The following PEBP4 variants were observed in gnomAD, a reference collection of about 807,000 sequenced individuals.
The protein encoded by PEBP4 is phosphatidylethanolamine-binding protein 4.
A neutral mutation model predicts 23.9 loss-of-function variants in PEBP4; 22 were observed. That is an observed-to-expected ratio of 0.92 (90% CI 0.66 to 1.31). PEBP4 has a LOEUF of 1.31. Among genes scored for constraint, PEBP4 ranks in the 40% most tolerant of loss-of-function variants. The probability of loss-of-function intolerance (pLI) is 0.00; values close to 1 mark genes in which losing one functional copy is unlikely to be tolerated. For missense variants in PEBP4, 324 were observed against 281.7 expected, an observed-to-expected ratio of 1.15 and a Z score of -1.07; for synonymous variants, 112 against 99.3, an observed-to-expected ratio of 1.13 and a Z score of -0.76.
chr8:22,912,129 C>A (rs1808950833), intron 3 of PEBP4, among the ~76,000 whole-genome samples: 1 of 152,138 alleles, frequency 6.6e-6, no homozygotes, highest in African/African-American at 2.4e-5. Context: ...GGATAAGGAG[C>A]CCTGGGAGTG....
intron 4 of PEBP4, among the ~76,000 whole-genome samples, chr8:22,809,583 C>T (rs1031061130): frequency 2.6e-5 from 4 of 152,172 alleles, no homozygotes; most frequent in African/African-American, 7.2e-5. Flanking sequence ...GCTGTGACAT[C>T]TTGGGCAAGT....
chr8:22,894,382 G>T (rs926860222), intron 3 of PEBP4, among the ~76,000 whole-genome samples: 1 of 151,976 alleles, frequency 6.6e-6, no homozygotes, highest in Non-Finnish European at 1.5e-5. Flanking sequence ...GACCAGCCCA[G>T]GCAACATGGT....
At chr8:22,848,079 G>A (rs530328514) in intron 3 of PEBP4, among the ~76,000 whole-genome samples, 2 of 152,102 alleles carry the variant, frequency 1.3e-5, no homozygotes, top group South Asian at 2.1e-4. Flanking sequence ...TTCAAAAGCC[G>A]TTTTATGCCT....
chr8:22,765,641 C>T (rs1805597383), intron 4 of PEBP4, among the ~76,000 whole-genome samples: 1 of 152,260 alleles, frequency 6.6e-6, no homozygotes, highest in African/African-American at 2.4e-5. Flanking sequence ...ACCCTGTCCA[C>T]AAGAGTCCTC....
At chr8:22,903,752 C>G (rs1458926415) in intron 3 of PEBP4, among the ~76,000 whole-genome samples, 1 of 152,244 alleles carries the variant, frequency 6.6e-6, no homozygotes, top group Non-Finnish European at 1.5e-5. Flanking sequence ...CAAATGGCAG[C>G]AAGATATCCA....
chr8:22,768,170 G>A (rs1037131894), intron 4 of PEBP4, among the ~76,000 whole-genome samples: 4 of 152,222 alleles, frequency 2.6e-5, no homozygotes, highest in African/African-American at 9.7e-5. Context: ...CATTAATGCA[G>A]GAGTCTGGGA....
intron 3 of PEBP4, among the ~76,000 whole-genome samples, chr8:22,826,827 T>C (rs11994598): frequency 0.042 from 6,362 of 152,308 alleles, 398 homozygotes; most frequent in African/African-American, 0.13. Context: ...ATGTGTGTTC[T>C]ATCATTCTGA....
At chr8:22,842,422 T>C (rs1563233974) in intron 3 of PEBP4, among the ~76,000 whole-genome samples, 1 of 152,204 alleles carries the variant, frequency 6.6e-6, no homozygotes, top group Non-Finnish European at 1.5e-5. Flanking sequence ...GTGCCAATTC[T>C]GATGCTCTTG....
intron 4 of PEBP4, among the ~76,000 whole-genome samples, chr8:22,807,915 C>T (rs901362981): frequency 6.7e-6 from 1 of 149,832 alleles, no homozygotes; most frequent in Non-Finnish European, 1.5e-5. Flanking sequence ...AACCTCTGTC[C>T]ACCTATCCAT....
At chr8:22,858,106 G>T (rs941395943) in intron 3 of PEBP4, among the ~76,000 whole-genome samples, 1 of 152,144 alleles carries the variant, frequency 6.6e-6, no homozygotes, top group Non-Finnish European at 1.5e-5. Context: ...TAACTAAGGC[G>T]GGGTCCTCTC....
At chr8:22,838,156 C>T (rs920111936) in intron 3 of PEBP4, among the ~76,000 whole-genome samples, 1 of 152,056 alleles carries the variant, frequency 6.6e-6, no homozygotes, top group Admixed American at 6.5e-5. Flanking sequence ...TCACCTTGGC[C>T]TCCCAAAGTG....
intron 4 of PEBP4, among the ~76,000 whole-genome samples, chr8:22,754,163 G>C (rs886472768): frequency 3.3e-5 from 5 of 152,194 alleles, no homozygotes; most frequent in Non-Finnish European, 7.3e-5. Flanking sequence ...CCCAGGGTCT[G>C]ATGTCTGTTC....
rs919922432 is a variant in PEBP4 at position 22,774,976 on chromosome 8, C to A, written c.357+42661G>T. 2.0e-5 allele frequency among the ~76,000 whole-genome samples: 3 copies of A among 152,128 alleles called. No homozygotes were observed. In the East Asian group the frequency reaches 5.8e-4, roughly 29 times the overall value. ...GGAGCCCCTCTTTCCTTGGTCCTGCCAGCTCCTGGGTGACACCATCCTGGA... is the reference window on the plus strand; with the variant it reads ...GGAGCCCCTCTTTCCTTGGTCCTGCAAGCTCCTGGGTGACACCATCCTGGA... On this transcript the variant is annotated intron_variant, in intron 4 of 6. Coordinates refer to ENST00000256404, the MANE Select transcript of PEBP4 (RefSeq NM_144962.3).
At chr8:22,731,911 G>A (rs1002230531) in intron 4 of PEBP4, among the ~76,000 whole-genome samples, 3 of 151,370 alleles carry the variant, frequency 2.0e-5, no homozygotes, top group African/African-American at 4.9e-5. Flanking sequence ...TCCTGATCTC[G>A]TGATCCGCCC....
chr8:22,806,192 T>C (rs1806491331), intron 4 of PEBP4, among the ~76,000 whole-genome samples: 1 of 152,202 alleles, frequency 6.6e-6, no homozygotes, highest in Non-Finnish European at 1.5e-5. Flanking sequence ...TTAATACCTA[T>C]TAAATTTAAA....
intron 4 of PEBP4, among the ~76,000 whole-genome samples, chr8:22,810,984 C>T (rs1217887716): frequency 6.6e-6 from 1 of 151,730 alleles, no homozygotes; most frequent in African/African-American, 2.4e-5. Flanking sequence ...TACACGCTTG[C>T]CATAAACCAA....
At chr8:22,791,582 A>G (rs1468290225) in intron 4 of PEBP4, among the ~76,000 whole-genome samples, 2 of 152,094 alleles carry the variant, frequency 1.3e-5, no homozygotes, top group Non-Finnish European at 2.9e-5. Flanking sequence ...GCGCACACGC[A>G]TGCACATTCA....
intron 3 of PEBP4, among the ~76,000 whole-genome samples, chr8:22,860,052 G>T (rs1807733369): frequency 6.8e-6 from 1 of 147,680 alleles, no homozygotes; most frequent in Non-Finnish European, 1.5e-5. Flanking sequence ...AGCAGTCAAG[G>T]CTGCAAATGA....
intron 3 of PEBP4, among the ~76,000 whole-genome samples, chr8:22,866,132 C>T (rs995983712): frequency 2.0e-5 from 3 of 152,212 alleles, no homozygotes; most frequent in Non-Finnish European, 4.4e-5. Context: ...TCCACGACAC[C>T]GTCTTGCTTG....
Sources: gnomAD v4.1 joint callset for allele counts (sites outside exome capture counted in the v4.1 genomes callset) on GRCh38, gnomAD v4.1.1 for gene constraint, MANE v1.5 for transcripts, NCBI Gene and HGNC (gene_info 2026-07-23, HGNC 2026-07-21) for gene names.